The following LAMA3 variants were observed in gnomAD, a reference collection of about 807,000 sequenced individuals.
The protein encoded by LAMA3 is laminin subunit alpha 3.
In LAMA3, 281 loss-of-function variants were observed where a neutral mutation model predicts 402.0. The observed-to-expected ratio is 0.70, with a 90% CI of 0.63 to 0.77. The LOEUF is 0.77. Ranked by LOEUF, LAMA3 falls within the 30% of genes least tolerant of loss-of-function variation. LAMA3 has a pLI of 0.00. For synonymous variants in LAMA3, 1,431 were observed against 1,558.4 expected (o/e 0.92, Z 1.93); for missense variants, 3,840 against 4,215.5 (o/e 0.91, Z 2.47).
At chr18:23,708,205 G>A (rs896391499) in intron 1 of LAMA3, among the ~76,000 whole-genome samples, 1 of 152,042 alleles carries the variant, frequency 6.6e-6, no homozygotes, top group Admixed American at 6.6e-5. Flanking sequence ...CTTCTTAAAT[G>A]CATGGGCTGC....
intron 72 of LAMA3, among the ~76,000 whole-genome samples, chr18:23,950,702 T>A (rs984806): frequency 0.15 from 23,252 of 152,162 alleles, 2,772 homozygotes; most frequent in East Asian, 0.6. Flanking sequence ...AATATGCCAT[T>A]TTCTTTCATC....
intron 11 of LAMA3, among the ~76,000 whole-genome samples, chr18:23,781,725 A>T (rs1451079430): frequency 6.6e-6 from 1 of 152,182 alleles, no homozygotes; most frequent in Non-Finnish European, 1.5e-5. Flanking sequence ...GGTGATAAGA[A>T]TGCTGTCTTC....
At chr18:23,880,393 T>A (rs567203807) in intron 39 of LAMA3, among the ~76,000 whole-genome samples, 1 of 152,334 alleles carries the variant, frequency 6.6e-6, no homozygotes, top group South Asian at 2.1e-4. Context: ...AAAGAAAGGA[T>A]ATTTTAACAT....
rs1030477021 is a variant in LAMA3, at chr18:23,898,852, A to G, written c.5724+4A>G. Reference sequence around the variant, plus strand: ...ATTTGAGACTTTGCAAGAAAAGGTAATGTGTTAGGTCCATTTAACTTTGGG... The same window carrying G: ...ATTTGAGACTTTGCAAGAAAAGGTAGTGTGTTAGGTCCATTTAACTTTGGG... On this transcript the variant is annotated splice_donor_region_variant and intron_variant, in intron 45 of 74. Transcript: ENST00000313654. 23 of 1,582,060 alleles carry G rather than the reference A, an allele frequency of 1.5e-5. No individual in the cohort carries two copies. Among genetic ancestry groups the G allele is most frequent in the Non-Finnish European group, 1.9e-5 (22 of 1,150,926 alleles).
At chr18:23,846,155 T>G (rs1598909184) in intron 30 of LAMA3, 142 bp from the exon 31 acceptor site, 9 of 852,866 alleles carry the variant, frequency 1.1e-5, no homozygotes, top group Admixed American at 1.7e-5. Context: ...TGAGGTGGGG[T>G]ATTTCCCACT....
At chr18:23,821,329 G>A (rs1442373900) in intron 19 of LAMA3, among the ~76,000 whole-genome samples, 1 of 152,198 alleles carries the variant, frequency 6.6e-6, no homozygotes, top group Non-Finnish European at 1.5e-5. Context: ...AGGATCAGCA[G>A]GAGTTCCTCA....
chr18:23,868,961 A>G (rs959395305), intron 37 of LAMA3, among the ~76,000 whole-genome samples: 1 of 152,246 alleles, frequency 6.6e-6, no homozygotes, highest in Non-Finnish European at 1.5e-5. Context: ...GAAAAGGTAC[A>G]TCTATACAAT....
chr18:23,946,102 C>A, intron 69 of LAMA3, 42 bp from the exon 70 acceptor site: 2 of 1,594,998 alleles, frequency 1.3e-6, no homozygotes, highest in South Asian at 2.2e-5. Flanking sequence ...CACCAATTGT[C>A]AAAGGTAAAA....
chr18:23,882,220 C>G (rs1312088502), intron 40 of LAMA3, among the ~76,000 whole-genome samples, 175 bp downstream of exon 40: 1 of 152,174 alleles, frequency 6.6e-6, no homozygotes, highest in African/African-American at 2.4e-5. Context: ...TTGTACAATT[C>G]TGTGAATATA....
At chr18:23,748,143 T>C in intron 3 of LAMA3, 83 bp downstream of exon 3, 1 of 958,684 alleles carries the variant, frequency 1.0e-6, no homozygotes, top group Non-Finnish European at 1.7e-6. Context: ...AGAAAATTAA[T>C]CTTGGCTGGG....
chr18:23,861,079 GA>G lies in LAMA3; in HGVS notation c.4423-557del, dbSNP rs538756062. 8.3e-4 allele frequency among the ~76,000 whole-genome samples: 123 copies of G among 147,972 alleles called. 2 individuals carry two copies. The highest frequency in any genetic ancestry group is 2.4e-3 in the African/African-American group (98 of 40,394). ...CTAAAAGGAGTGTAGCTAGTAATTGGAAAAAAAAAATACTTTGTAAATCTGC... is the reference window on the plus strand; with the variant it reads ...CTAAAAGGAGTGTAGCTAGTAATTGGAAAAAAAAATACTTTGTAAATCTGC... On this transcript the variant is annotated intron_variant, in intron 34 of 74. Coordinates refer to ENST00000313654, the MANE Select transcript of LAMA3 (RefSeq NM_198129.4).
chr18:23,724,815 G>A lies in LAMA3; in HGVS notation c.447+10743G>A, dbSNP rs8093687. Among the ~76,000 whole-genome samples the A allele has an allele frequency of 6.9e-3, 1,052 of 152,214 alleles. 8 individuals are homozygous for A. The highest frequency in any genetic ancestry group is 0.024 in the African/African-American group (980 of 41,538). On this transcript the variant is annotated intron_variant, in intron 2 of 74. Transcript: ENST00000313654. ...CACGGAAGCTTGAGTTAAATGTGGC[G>A]TCTCAGGGGAGTCACTGTGCCTGGC...
chr18:23,878,865 G>A lies in LAMA3; in HGVS notation c.5112+2458G>A, dbSNP rs368780335. ...GTCCAGTGTCAAGGGCAGGAGTAGC[G>A]GGTAATGTGGGTGCCACCGTCCAGA... On this transcript the variant is annotated intron_variant, in intron 39 of 74. Coordinates refer to ENST00000313654, the MANE Select transcript of LAMA3 (RefSeq NM_198129.4). Among the ~76,000 whole-genome samples the A allele has an allele frequency of 5.4e-4, 82 of 152,236 alleles. No individual in the cohort carries two copies. The South Asian group carries it at 5.8e-3, about 11-fold the overall frequency.
At position 23,758,317 on chromosome 18, in the gene LAMA3, G is replaced by A. The variant is rs2061893307; in HGVS notation, c.948-79G>A. 5 of 978,624 alleles carry A rather than the reference G, an allele frequency of 5.1e-6. No homozygotes were observed. In the Admixed American group the frequency reaches 7.8e-5, roughly 15 times the overall value. The allele number at this position is 978,624 out of a possible 1,614,324, so 60.6% of individuals were successfully genotyped here. Reference sequence around the variant, plus strand: ...CGTGGATGACCGTGATGACTCGTGTGTCAGGTTCGCACTATAGGATCAACT... The same window carrying A: ...CGTGGATGACCGTGATGACTCGTGTATCAGGTTCGCACTATAGGATCAACT... On this transcript the variant is annotated intron_variant, in intron 6 of 74. Coordinates refer to ENST00000313654, the MANE Select transcript of LAMA3 (RefSeq NM_198129.4).
At chr18:23,777,244 T>A (rs1186468359) in intron 10 of LAMA3, among the ~76,000 whole-genome samples, 1 of 124,598 alleles carries the variant, frequency 8.0e-6, no homozygotes, top group African/African-American at 2.6e-5. Context: ...AAAGCTTTGA[T>A]TTTATGTTAA....
chr18:23,805,952 A>C (rs1004478824), intron 12 of LAMA3, among the ~76,000 whole-genome samples: 1 of 152,094 alleles, frequency 6.6e-6, no homozygotes, highest in African/African-American at 2.4e-5. Context: ...GATTGAGGGG[A>C]TATGACTCTA....
intron 2 of LAMA3, among the ~76,000 whole-genome samples, chr18:23,736,840 G>A (rs1332574344): frequency 6.6e-6 from 1 of 152,158 alleles, no homozygotes; most frequent in East Asian, 1.9e-4. Flanking sequence ...GGGAAGACCT[G>A]TCATTGTGTG....
At chr18:23,947,956 C>T (rs748952617) in intron 70 of LAMA3, among the ~76,000 whole-genome samples, 74 of 152,058 alleles carry the variant, frequency 4.9e-4, no homozygotes, top group Non-Finnish European at 7.1e-4. Context: ...GGACTACAGG[C>T]GCCTGCCACC....
At chr18:23,717,699 C>T (rs1389883510) in intron 2 of LAMA3, among the ~76,000 whole-genome samples, 9 of 148,376 alleles carry the variant, frequency 6.1e-5, no homozygotes, top group Non-Finnish European at 1.2e-4. Context: ...ATTACAGGTG[C>T]CCACCACCAT....
Sources: gnomAD v4.1 joint callset for allele counts (sites outside exome capture counted in the v4.1 genomes callset) on GRCh38, gnomAD v4.1.1 for gene constraint, MANE v1.5 for transcripts, NCBI Gene and HGNC (gene_info 2026-07-23, HGNC 2026-07-21) for gene names.